The following RIF1 variants were observed in gnomAD, a reference collection of about 807,000 sequenced individuals.
RIF1 encodes the protein telomere-associated protein RIF1.
A neutral mutation model predicts 247.1 loss-of-function variants in RIF1; 45 were observed. The observed-to-expected ratio is 0.18, with a 90% confidence interval of 0.14 to 0.23. The LOEUF is 0.23. Among genes scored for constraint, RIF1 ranks in the 10% least tolerant of loss-of-function variants. The probability of loss-of-function intolerance (pLI) is 1.00; values close to 1 mark genes in which losing one functional copy is unlikely to be tolerated. For missense variants in RIF1, 2,967 were observed against 2,862.5 expected (o/e 1.04, Z -0.83); for synonymous variants, 1,087 against 978.8 (o/e 1.11, Z -2.06).
chr2:151,471,203 T>C (rs1434281890), intron 34 of RIF1, among the ~76,000 whole-genome samples: 1 of 152,200 alleles, frequency 6.6e-6, no homozygotes, highest in African/African-American at 2.4e-5. Flanking sequence ...GCATAATGTT[T>C]TCAAGGTTTA....
In RIF1 at chr2:151,440,048, G is replaced by A. The variant is rs372592542; in HGVS notation, c.1568G>A (p.Gly523Asp). The change falls in exon 15 of 36, where the codon GGT becomes GAT. Residue 523 changes from glycine (G) to aspartate (D), a missense_variant. This residue lies in a region of RIF1 where 369 missense variants were observed against 322.0 expected (regional missense o/e 1.15). Transcript: ENST00000444746. Reference protein sequence around the residue: ...TESGNKKEKPGSEVLTLLLKS... With the variant: ...TESGNKKEKPDSEVLTLLLKS... ...ATAGGTAACAAAAAAGAGAAACCAG[G>A]TTCTGAAGTTTTGACTCTCTTATTA... is the stretch of plus-strand genomic sequence containing the variant. The A allele has an allele frequency of 9.5e-6, 15 of 1,573,484 alleles. No homozygotes were observed. In the African/African-American group the frequency reaches 1.9e-4, roughly 20 times the overall value.
the RIF1 span, chr2:151,518,348 G>A: frequency 6.2e-7 from 1 of 1,610,864 alleles, no homozygotes; most frequent in South Asian, 1.1e-5. Context: ...CCTCTTTTAG[G>A]TGAAGCTGCT....
intron 11 of RIF1, 91 bp from the exon 12 acceptor site, chr2:151,436,736 T>C (rs1458199591): frequency 3.7e-5 from 35 of 946,788 alleles, no homozygotes; most frequent in Non-Finnish European, 5.2e-5. Context: ...ACTCTGTTTT[T>C]AAAAGTTTCA....
the RIF1 span, among the ~76,000 whole-genome samples, chr2:151,513,113 G>T: frequency 6.6e-6 from 1 of 152,180 alleles, no homozygotes; most frequent in African/African-American, 2.4e-5. Flanking sequence ...GGCATGGATT[G>T]TTTACATACG....
At chr2:151,506,246 C>G (rs1427816148) in exon 13 of RIF1, 4 of 1,612,582 alleles carry the variant, frequency 2.5e-6, no homozygotes, top group Non-Finnish European at 3.4e-6. Flanking sequence ...GAGACATCCT[C>G]TTTATATAAA....
At chr2:151,430,633 T>C (rs1414932916) in intron 9 of RIF1, among the ~76,000 whole-genome samples, 1 of 152,136 alleles carries the variant, frequency 6.6e-6, no homozygotes, top group Non-Finnish European at 1.5e-5. Context: ...TAATTACTTT[T>C]ATTTAAAATA....
downstream of RIF1, chr2:151,512,772 C>T (rs1047502171): frequency 1.9e-6 from 3 of 1,613,792 alleles, no homozygotes; most frequent in African/African-American, 4.0e-5. Flanking sequence ...CATGAATGAT[C>T]TCTGGAGTAT....
At chr2:151,473,130 T>C (rs1460737352) in intron 34 of RIF1, among the ~76,000 whole-genome samples, 2 of 152,158 alleles carry the variant, frequency 1.3e-5, no homozygotes, top group African/African-American at 4.8e-5. Context: ...CAAGTTTTTA[T>C]ATGGATAGAT....
chr2:151,493,467 C>G, intron 9 of RIF1: 1 of 1,502,818 alleles, frequency 6.7e-7, no homozygotes. Context: ...AAAAGAGCAT[C>G]TAGGCATCAG....
At chr2:151,524,762 AT>A in the RIF1 span, 2 of 666,772 alleles carry the variant, frequency 3.0e-6, no homozygotes, top group Non-Finnish European at 4.9e-6. Context: ...TGTCTCCCGG[AT>A]TCAAGTGATT....
In RIF1 at chr2:151,503,440, A is replaced by T. The variant is rs1389787480; in HGVS notation, c.*861+255A>T. The T allele has an allele frequency of 6.3e-7, 1 of 1,595,804 alleles. No individual in the cohort carries two copies. The highest frequency in any genetic ancestry group is 8.6e-7 in the Non-Finnish European group (1 of 1,163,758). On this transcript the variant is annotated intron_variant and NMD_transcript_variant, in intron 12 of 13. Coordinates refer to the RIF1 transcript ENST00000454583. ...TGTTCCCAAGTTTTCTTTGTACATA[A>T]CCTGTAGAAAATAATTAGAATACCC... is the stretch of plus-strand genomic sequence containing the variant.
chr2:151,427,327 C>A lies in RIF1; in HGVS notation c.787-1457C>A, dbSNP rs191683820. ...TCAGGTTCAAGTGATTCTCCTGTCT[C>A]AGCCTCCCGAGTAGCTGGGATTACA... On this transcript the variant is annotated intron_variant, in intron 8 of 35. Coordinates refer to ENST00000444746, the MANE Select transcript of RIF1 (RefSeq NM_018151.5). 2.0e-5 allele frequency among the ~76,000 whole-genome samples: 3 copies of A among 151,918 alleles called. No individual in the cohort carries two copies. The East Asian group carries it at 5.8e-4, about 29-fold the overall frequency.
intron 18 of RIF1, among the ~76,000 whole-genome samples, chr2:151,444,292 A>G (rs1049736977): frequency 5.9e-5 from 9 of 152,214 alleles, no homozygotes; most frequent in African/African-American, 2.2e-4. Flanking sequence ...CAAAAATGAA[A>G]TAACTCGAAG....
rs1193099280 is a variant in RIF1, at chr2:151,481,653, G to C, written c.*6582G>C. 6.6e-6 allele frequency: 1 copy of C among 152,232 alleles called. No individual in the cohort carries two copies. The highest frequency in any genetic ancestry group is 2.4e-5 in the African/African-American group (1 of 41,462). 9.4% of individuals were successfully genotyped at this position (152,232 alleles called of 1,614,324 possible). The stretch of plus-strand genomic sequence containing the variant: ...TGATTTAAGTTGAAGCCTAACAGAA[G>C]TACTTGTTCATTCCTCAGTTACCTG... On this transcript the variant is annotated 3_prime_UTR_variant, in exon 36 of 36. Transcript: ENST00000444746.
chr2:151,428,137 G>A (rs1331649279), intron 8 of RIF1, among the ~76,000 whole-genome samples: 2 of 152,166 alleles, frequency 1.3e-5, no homozygotes, highest in South Asian at 4.1e-4. Context: ...GCTGAGGCAG[G>A]AGAATCACTT....
chr2:151,467,985 G>A lies in RIF1; in HGVS notation c.6601-15G>A. 1 of 1,589,694 alleles carries A rather than the reference G, an allele frequency of 6.3e-7. No homozygotes were observed. Among genetic ancestry groups the A allele is most frequent in the Non-Finnish European group, 8.5e-7 (1 of 1,171,288 alleles). On this transcript the variant is annotated splice_polypyrimidine_tract_variant and intron_variant, in intron 30 of 35. Coordinates refer to ENST00000444746, the MANE Select transcript of RIF1 (RefSeq NM_018151.5). ...CTTTAATTTTGTTAAGTAAAATCCT[G>A]ACCTGTGTTTTCAGGTTCGCCGTGT...
Position 151,463,247 on chromosome 2 carries a change from A to G in RIF1, c.3727A>G (p.Ile1243Val). ...RPFSPSPLNN[I>V]SSTVTVKNNQ... ...TTTTAGTCCATCCCCCTTGAATAATATTTCATCAACTGTTACAGTGAAAAA... is the reference window on the plus strand; with the variant it reads ...TTTTAGTCCATCCCCCTTGAATAATGTTTCATCAACTGTTACAGTGAAAAA... Residue 1243 changes from isoleucine (I) to valine (V), a missense_variant, in exon 30 of 36, where the codon ATT becomes GTT. Transcript: ENST00000444746. 7 of 1,613,770 alleles carry G rather than the reference A, an allele frequency of 4.3e-6. No homozygotes were observed. The highest frequency in any genetic ancestry group is 1.1e-5 in the South Asian group (1 of 90,964).
intron 13 of RIF1, chr2:151,506,902 AAT>A: frequency 6.4e-7 from 1 of 1,566,868 alleles, no homozygotes; most frequent in Non-Finnish European, 8.8e-7. Flanking sequence ...ATAAATAGTA[AAT>A]ATACCGAGCT....
chr2:151,444,018 G>A (rs1461543439), intron 18 of RIF1, among the ~76,000 whole-genome samples: 4 of 152,234 alleles, frequency 2.6e-5, no homozygotes, highest in Admixed American at 2.0e-4. Flanking sequence ...GAATAACAGC[G>A]GTTATCTTGA....
Sources: allele counts gnomAD v4.1 joint callset (sites outside exome capture counted in the v4.1 genomes callset), GRCh38; gene constraint gnomAD v4.1.1; regional missense constraint gnomAD v4.1.1; transcripts MANE v1.5; gene names NCBI Gene and HGNC (gene_info 2026-07-23, HGNC 2026-07-21).